Variants in DNAH8 observed in about 807,000 individuals in gnomAD.
DNAH8 encodes axonemal beta dynein heavy chain 8.
DNAH8 carries 382 observed loss-of-function variants against 562.1 expected under a neutral mutation model. That is an observed-to-expected ratio of 0.68 (90% confidence interval 0.63 to 0.74). The LOEUF (loss-of-function observed/expected upper bound fraction) is 0.74, where lower values mean the gene tolerates loss of function less well. DNAH8 is among the 30% of genes least tolerant of loss of function. The pLI is 0.00. For missense variants in DNAH8, 5,203 were observed against 5,620.4 expected, an observed-to-expected ratio of 0.93 and a Z score of 2.37; for synonymous variants, 1,881 against 1,919.4, an observed-to-expected ratio of 0.98 and a Z score of 0.52.
At chr6:38,745,903 C>T (rs1764887327) in intron 8 of DNAH8, among the ~76,000 whole-genome samples, 1 of 152,146 alleles carries the variant, frequency 6.6e-6, no homozygotes. Context: ...ACTTACCAGG[C>T]GGTCCATTAT....
At chr6:38,990,476 A>G (rs1239508119) in intron 88 of DNAH8, among the ~76,000 whole-genome samples, 1 of 152,206 alleles carries the variant, frequency 6.6e-6, no homozygotes, top group Non-Finnish European at 1.5e-5. Flanking sequence ...CTCCGCCGGC[A>G]GAAGAGTGGT....
intron 56 of DNAH8, among the ~76,000 whole-genome samples, chr6:38,884,314 A>T (rs1778751505): frequency 1.3e-5 from 2 of 152,094 alleles, no homozygotes; most frequent in African/African-American, 2.4e-5. Context: ...ACATTTTGAG[A>T]CGGAGTCTTG....
chr6:38,888,618 A>G (rs1450122775), intron 57 of DNAH8, among the ~76,000 whole-genome samples: 2 of 152,266 alleles, frequency 1.3e-5, no homozygotes, highest in African/African-American at 4.8e-5. Context: ...TAAATAGCCA[A>G]TAAACAAAGT....
rs142057697 is a variant in DNAH8 at position 38,739,485 on chromosome 6, A to G, written c.1116+1513A>G. On this transcript the variant is annotated intron_variant, in intron 7 of 92. Transcript: ENST00000327475. ...ATGAAAGGAACAAACTGTAAAATGA[A>G]CACCTGTGTAACCTTTGCACAAGTT... Among the ~76,000 whole-genome samples the G allele has an allele frequency of 2.6e-4, 39 of 152,310 alleles. No homozygotes were observed. The East Asian group carries it at 5.0e-3, about 20-fold the overall frequency.
At chr6:38,964,925 G>T (rs966401362) in intron 82 of DNAH8, among the ~76,000 whole-genome samples, 3 of 151,980 alleles carry the variant, frequency 2.0e-5, no homozygotes, top group African/African-American at 7.2e-5. Flanking sequence ...TTAGTCGGGC[G>T]TGGTGGCACA....
At chr6:39,028,635 A>T (rs1247350580) in intron 92 of DNAH8, among the ~76,000 whole-genome samples, 1 of 152,190 alleles carries the variant, frequency 6.6e-6, no homozygotes, top group Non-Finnish European at 1.5e-5. Flanking sequence ...TTCTGGGTGG[A>T]CATGAAGTTT....
intron 24 of DNAH8, among the ~76,000 whole-genome samples, chr6:38,811,308 T>G (rs1188476223): frequency 6.6e-6 from 1 of 152,230 alleles, no homozygotes; most frequent in African/African-American, 2.4e-5. Context: ...ACTGTCCAGA[T>G]GAGGTGCCAG....
intron 3 of DNAH8, among the ~76,000 whole-genome samples, chr6:38,726,420 A>G (rs1259571958): frequency 6.6e-6 from 1 of 152,194 alleles, no homozygotes; most frequent in Non-Finnish European, 1.5e-5. Flanking sequence ...CTAGTCAGGA[A>G]GTAGAAGTGC....
Position 38,756,091 on chromosome 6 carries a change from TG to T in DNAH8, c.1515+15del. The T allele has an allele frequency of 6.9e-7, 1 of 1,448,450 alleles. No individual in the cohort carries two copies. The highest frequency in any genetic ancestry group is 9.7e-7 in the Non-Finnish European group (1 of 1,029,772). The allele number at this position is 1,448,450 out of a possible 1,614,324, so 89.7% of individuals were successfully genotyped here. A position where few individuals can be genotyped will look rare whatever the true frequency, so the allele number is the denominator to read the frequency against. On this transcript the variant is annotated intron_variant, in intron 10 of 92. Coordinates refer to ENST00000327475, the MANE Select transcript of DNAH8 (RefSeq NM_001206927.2). ...CATTGTTTATCAAGGTAAGTTTCTG[TG>T]GGAGGAAATTACATGTCATCCTGTG...
In DNAH8 at chr6:38,867,926, A is replaced by G. The variant is rs1583223976; in HGVS notation, c.6694-136A>G. ...AAAGGAAAGGCAGGAAGTTGAGCTA[A>G]TAAACCTTTGTGGCTTAGTCACCCC... On this transcript the variant is annotated intron_variant, in intron 47 of 92. Coordinates refer to ENST00000327475, the MANE Select transcript of DNAH8 (RefSeq NM_001206927.2). 5.1e-6 allele frequency: 4 copies of G among 783,222 alleles called. No homozygotes were observed. The East Asian group carries it at 7.8e-5, about 15-fold the overall frequency. The allele number at this position is 783,222 out of a possible 1,614,324, so 48.5% of individuals were successfully genotyped here.
intron 52 of DNAH8, among the ~76,000 whole-genome samples, chr6:38,874,940 C>T (rs763341188): frequency 2.0e-5 from 3 of 152,014 alleles, no homozygotes; most frequent in Admixed American, 6.6e-5. Context: ...TTTGAAAGAC[C>T]GAGGATGTCC....
intron 62 of DNAH8, among the ~76,000 whole-genome samples, chr6:38,903,234 G>C (rs958089696): frequency 6.6e-6 from 1 of 152,120 alleles, no homozygotes; most frequent in Non-Finnish European, 1.5e-5. Context: ...TTTGGCTCAA[G>C]GTTCTGCAGG....
chr6:38,734,930 T>A (rs1763968689), intron 5 of DNAH8, among the ~76,000 whole-genome samples: 1 of 152,212 alleles, frequency 6.6e-6, no homozygotes, highest in Admixed American at 6.5e-5. Flanking sequence ...CACTCAATAT[T>A]TTAACTCTTT....
At position 38,971,583 on chromosome 6, in the gene DNAH8, A is replaced by G. The variant is rs749571123; in HGVS notation, c.12452-9A>G. Reference sequence around the variant, plus strand: ...GTTTCATCATAGTGAACTTTCTCCTATGTTACAGAATGTAGAACTATCTCA... The same window carrying G: ...GTTTCATCATAGTGAACTTTCTCCTGTGTTACAGAATGTAGAACTATCTCA... On this transcript the variant is annotated splice_polypyrimidine_tract_variant and intron_variant, in intron 82 of 92. Transcript: ENST00000327475. The G allele has an allele frequency of 3.9e-6, 6 of 1,530,006 alleles. No individual in the cohort carries two copies. Among genetic ancestry groups the G allele is most frequent in the East Asian group, 2.3e-5 (1 of 42,790 alleles). The allele number at this position is 1,530,006 out of a possible 1,614,324, so 94.8% of individuals were successfully genotyped here.
chr6:38,856,689 G>A (rs1022282328), intron 41 of DNAH8, among the ~76,000 whole-genome samples: 12 of 152,144 alleles, frequency 7.9e-5, no homozygotes. Flanking sequence ...AAGTATCAAA[G>A]TCCCTGATAA....
At chr6:38,911,317 TCCACCTCACC>T in intron 65 of DNAH8, 141 bp from the exon 66 acceptor site, 4 of 678,490 alleles carry the variant, frequency 5.9e-6, no homozygotes, top group Admixed American at 4.9e-5. Context: ...TAGTCCTTTT[TCCACCTCACC>T]TCTGAGAAAC....
chr6:38,878,896 T>C (rs1425943164), intron 53 of DNAH8, among the ~76,000 whole-genome samples: 2 of 152,198 alleles, frequency 1.3e-5, no homozygotes, highest in Admixed American at 6.5e-5. Context: ...GTGATAGATA[T>C]GTTAATTCGC....
At position 38,982,334 on chromosome 6, in the gene DNAH8, G is replaced by C. The variant is rs757943115; in HGVS notation, c.12835-12G>C. 8.1e-7 allele frequency: 1 copy of C among 1,238,664 alleles called. No homozygotes were observed. Among genetic ancestry groups the C allele is most frequent in the Non-Finnish European group, 1.2e-6 (1 of 840,004 alleles). 76.7% of individuals were successfully genotyped at this position (1,238,664 alleles called of 1,614,324 possible). A position where few individuals can be genotyped will look rare whatever the true frequency, so the allele number is the denominator to read the frequency against. ...GTACATGCAATACTTACTTTTCTTT[G>C]GTGTTTTTAAGGAGCGACGAAAATT... On this transcript the variant is annotated splice_polypyrimidine_tract_variant and intron_variant, in intron 85 of 92. Coordinates refer to ENST00000327475, the MANE Select transcript of DNAH8 (RefSeq NM_001206927.2).
rs1203899096 is a variant in DNAH8, at chr6:38,896,030, C to G, written c.8748-3C>G. 2.5e-6 allele frequency: 4 copies of G among 1,607,050 alleles called. No homozygotes were observed. On this transcript the variant is annotated splice_polypyrimidine_tract_variant and splice_region_variant and intron_variant, in intron 59 of 92. Coordinates refer to ENST00000327475, the MANE Select transcript of DNAH8 (RefSeq NM_001206927.2). ...CATTCTTACTACTACATTTTCCTTT[C>G]AGATTTATAACTCCTGAAGATGAGC...
Sources: allele counts gnomAD v4.1 joint callset (sites outside exome capture counted in the v4.1 genomes callset), GRCh38; gene constraint gnomAD v4.1.1; transcripts MANE v1.5; gene names NCBI Gene and HGNC (gene_info 2026-07-23, HGNC 2026-07-21).